Variants in SAMSN1 observed in about 807,000 individuals in gnomAD.
The protein encoded by SAMSN1 is SAM domain, SH3 domain and nuclear localization signals 1.
In SAMSN1, 31 loss-of-function variants were observed where a neutral mutation model predicts 42.0. The observed-to-expected ratio is 0.74, with a 90% CI of 0.55 to 1.00. The LOEUF (loss-of-function observed/expected upper bound fraction) is 1.00, where lower values mean the gene tolerates loss of function less well. Among genes scored for constraint, SAMSN1 ranks in the 50% least tolerant of loss-of-function variants. The pLI is 0.00. For synonymous variants in SAMSN1, 178 were observed against 151.9 expected (o/e 1.17, Z -1.26); for missense variants, 464 against 439.4 (o/e 1.06, Z -0.50).
intron 1 of SAMSN1, chr21:14,583,317 T>C (rs1471403188): frequency 4.8e-6 from 1 of 207,514 alleles, no homozygotes; most frequent in Non-Finnish European, 9.6e-6. Flanking sequence ...GCCATGGACA[T>C]ACCAATTTGT....
intron 2 of SAMSN1, among the ~76,000 whole-genome samples, chr21:14,622,258 C>A (rs186466263): frequency 6.6e-6 from 1 of 152,326 alleles, no homozygotes; most frequent in East Asian, 1.9e-4. Flanking sequence ...AGCAATGGAA[C>A]AAAGCTGGAT....
chr21:14,512,314 T>C (rs1260667535), intron 4 of SAMSN1, 130 bp downstream of exon 4: 4 of 901,346 alleles, frequency 4.4e-6, no homozygotes, highest in Non-Finnish European at 5.2e-6. Flanking sequence ...ATAGATTTAA[T>C]ATATCTTACA....
At chr21:14,553,881 G>A (rs946950187) in intron 2 of SAMSN1, among the ~76,000 whole-genome samples, 3 of 151,932 alleles carry the variant, frequency 2.0e-5, no homozygotes, top group African/African-American at 7.3e-5. Context: ...CATATTATGT[G>A]TGTTGATATG....
chr21:14,512,700 C>G lies in SAMSN1; in HGVS notation c.280-127G>C. The G allele has an allele frequency of 3.6e-6, 3 of 843,294 alleles. No homozygotes were observed. In the South Asian group the frequency reaches 6.4e-5, roughly 18 times the overall value. The allele number at this position is 843,294 out of a possible 1,614,324, so 52.2% of individuals were successfully genotyped here. On this transcript the variant is annotated intron_variant, in intron 3 of 7. Transcript: ENST00000400566. Reference sequence around the variant, plus strand: ...CTTAAGGATACATAAGGATAAAATACAAAAGTAGTTCATCTTCAGTTCAAT... The same window carrying G: ...CTTAAGGATACATAAGGATAAAATAGAAAAGTAGTTCATCTTCAGTTCAAT...
intron 2 of SAMSN1, among the ~76,000 whole-genome samples, chr21:14,581,093 C>T (rs1390659786): frequency 2.6e-5 from 4 of 152,026 alleles, no homozygotes; most frequent in Non-Finnish European, 5.9e-5. Flanking sequence ...AGTAGCACAG[C>T]CAGAATCCAT....
chr21:14,578,904 C>T (rs970103965), intron 2 of SAMSN1, among the ~76,000 whole-genome samples: 6 of 151,980 alleles, frequency 3.9e-5, no homozygotes, highest in Admixed American at 3.3e-4. Context: ...TGACTACCTG[C>T]CATTAATAGT....
intron 7 of SAMSN1, among the ~76,000 whole-genome samples, chr21:14,495,054 G>C (rs1187621468): frequency 6.6e-6 from 1 of 152,022 alleles, no homozygotes; most frequent in African/African-American, 2.4e-5. Context: ...TCCTCAAACT[G>C]ACATCATTCA....
intron 2 of SAMSN1, among the ~76,000 whole-genome samples, chr21:14,618,681 TG>T (rs1982912520): frequency 1.3e-5 from 1 of 79,966 alleles, no homozygotes; most frequent in Admixed American, 1.1e-4. Flanking sequence ...TGTGTGTGTG[TG>T]TGTGTGTGTG....
chr21:14,614,740 A>T (rs1160347559), intron 3 of SAMSN1, among the ~76,000 whole-genome samples: 1 of 152,214 alleles, frequency 6.6e-6, no homozygotes, highest in Non-Finnish European at 1.5e-5. Flanking sequence ...TTCCAAACAA[A>T]TAAAGCTGTT....
chr21:14,577,260 ATATATATATATATATATATATATAT>A (rs1386013138), intron 2 of SAMSN1, among the ~76,000 whole-genome samples: 17 of 42,346 alleles, frequency 4.0e-4, no homozygotes, highest in African/African-American at 1.7e-3. Context: ...ATATATATAT[ATATATATATATATATATATATATAT>A]TTTTTTTTTA....
intron 6 of SAMSN1, among the ~76,000 whole-genome samples, chr21:14,601,775 T>C (rs567553418): frequency 2.6e-4 from 40 of 152,316 alleles, no homozygotes; most frequent in South Asian, 1.2e-3. Flanking sequence ...GAGTTACTTA[T>C]CAAAAGGCTG....
intron 1 of SAMSN1, among the ~76,000 whole-genome samples, chr21:14,656,076 A>G (rs932067726): frequency 2.0e-4 from 31 of 151,828 alleles, no homozygotes; most frequent in African/African-American, 5.6e-4. Context: ...AGAATTGAAT[A>G]AAGAGTTATC....
intron 2 of SAMSN1, among the ~76,000 whole-genome samples, chr21:14,623,413 A>C (rs902550932): frequency 6.6e-6 from 1 of 152,208 alleles, no homozygotes; most frequent in South Asian, 2.1e-4. Flanking sequence ...TAGGCTCAAA[A>C]TAAAGGGATG....
chr21:14,607,160 G>T (rs1982590186), intron 5 of SAMSN1, among the ~76,000 whole-genome samples: 1 of 152,058 alleles, frequency 6.6e-6, no homozygotes. Context: ...TGTGGGTTGT[G>T]GATGACAGCA....
At chr21:14,637,067 C>T (rs781498891) in intron 2 of SAMSN1, among the ~76,000 whole-genome samples, 18 of 152,256 alleles carry the variant, frequency 1.2e-4, no homozygotes, top group Middle Eastern at 6.8e-3. Flanking sequence ...AATTTCAAGC[C>T]TTCAATCCTA....
At chr21:14,629,763 C>A (rs1456679843) in intron 2 of SAMSN1, among the ~76,000 whole-genome samples, 1 of 152,126 alleles carries the variant, frequency 6.6e-6, no homozygotes, top group Admixed American at 6.6e-5. Context: ...AGCTTTATAT[C>A]AATCCTAAAG....
At chr21:14,610,709 A>G (rs1982681604) in intron 4 of SAMSN1, among the ~76,000 whole-genome samples, 2 of 152,132 alleles carry the variant, frequency 1.3e-5, no homozygotes, top group African/African-American at 2.4e-5. Context: ...ACACTTAGAC[A>G]AATAGAAAAT....
At chr21:14,631,234 A>C (rs1019165788) in intron 2 of SAMSN1, among the ~76,000 whole-genome samples, 2 of 152,198 alleles carry the variant, frequency 1.3e-5, no homozygotes, top group African/African-American at 4.8e-5. Context: ...TAGAGTTAAC[A>C]CCTGCTATTG....
At chr21:14,569,149 G>C (rs1158496018) in intron 2 of SAMSN1, among the ~76,000 whole-genome samples, 1 of 151,806 alleles carries the variant, frequency 6.6e-6, no homozygotes, top group South Asian at 2.1e-4. Context: ...AATAAAAATA[G>C]CTAGGCGTGT....
Sources: gnomAD v4.1 joint callset for allele counts (sites outside exome capture counted in the v4.1 genomes callset) on GRCh38, gnomAD v4.1.1 for gene constraint, MANE v1.5 for transcripts, NCBI Gene and HGNC (gene_info 2026-07-23, HGNC 2026-07-21) for gene names.